PCDHB12: variants seen among roughly 807,000 people sequenced by gnomAD.
PCDHB12 encodes the protein protocadherin beta-12.
For synonymous variants in PCDHB12, 560 were observed against 445.2 expected (o/e 1.26, Z -3.24); for missense variants, 1,192 against 998.2 (o/e 1.19, Z -2.62).
At position 141,210,084 on chromosome 5, in the gene PCDHB12, C is replaced by G. The variant is rs371588723; in HGVS notation, c.1177C>G (p.Leu393Val). ...TATCCCGGAGGACATCCCATTCGTG[C>G]TAAAATCTTCGGTAAATAATTACTA... ...CSIPEDIPFVLKSSVNNYYTL... is the reference protein window; with the variant it reads ...CSIPEDIPFVVKSSVNNYYTL... Residue 393 changes from leucine to valine, a missense_variant, in exon 1 of 1, where the codon CTA (leucine) becomes GTA (valine). Physicochemically the swap from Leu to Val is conservative, Grantham distance 32. Transcript: ENST00000239450. 6.2e-7 allele frequency: 1 copy of G among 1,614,164 alleles called. No homozygotes were observed.
rs1554286788 is a variant in PCDHB12, at chr5:141,210,005, G to T, written c.1098G>T (p.Met366Ile). 1.2e-6 allele frequency: 2 copies of T among 1,614,178 alleles called. No homozygotes were observed. Among genetic ancestry groups the T allele is most frequent in the Admixed American group, 1.7e-5 (1 of 60,016 alleles). The change falls in exon 1 of 1, where the codon ATG becomes ATT. Residue 366 changes from methionine (M) to isoleucine (I), a missense_variant. Transcript: ENST00000239450. ...IPENTPETVV[M>I]VFRIRDRDSG... ...AAAACACTCCAGAGACTGTGGTTAT[G>T]GTTTTCAGGATACGAGACAGAGACT... is the stretch of plus-strand genomic sequence containing the variant.
Position 141,210,352 on chromosome 5 carries a change from C to T in PCDHB12, c.1445C>T (p.Thr482Ile), listed in dbSNP as rs1754415763. ...SISATDRDSG[T>I]NAQVNYSLLP... ...AGCGCCACAGACAGAGACTCGGGCA[C>T]CAACGCCCAGGTCAACTACTCGCTG... The change falls in exon 1 of 1, where the codon ACC becomes ATC. Residue 482 changes from threonine to isoleucine, a missense_variant. Thr to Ile is a moderately conservative substitution (Grantham distance 89, BLOSUM62 -1). Transcript: ENST00000239450. The T allele has an allele frequency of 6.2e-7, 1 of 1,613,086 alleles. No individual in the cohort carries two copies. Among genetic ancestry groups the T allele is most frequent in the Non-Finnish European group, 8.5e-7 (1 of 1,180,032 alleles).
rs1554286860 is a variant in PCDHB12, at chr5:141,210,241, A to G, written c.1334A>G (p.Asn445Ser). The change falls in exon 1 of 1, where the codon AAT (asparagine) becomes AGT (serine). Residue 445 changes from asparagine to serine, a missense_variant. Physicochemically the swap from Asn to Ser is conservative, Grantham distance 46 (BLOSUM62 1). Coordinates refer to ENST00000239450, the MANE Select transcript of PCDHB12 (RefSeq NM_018932.4). ...ATAACCGTGCTGGTCTCCGACGTCA[A>G]TGACAACGCCCCCGCCTTCACCCAA... ...HNITVLVSDV[N>S]DNAPAFTQTS... 2 of 1,614,164 alleles carry G rather than the reference A, an allele frequency of 1.2e-6. No individual in the cohort carries two copies. The highest frequency in any genetic ancestry group is 1.7e-6 in the Non-Finnish European group (2 of 1,180,026).
chr5:141,211,548 T>G lies in PCDHB12; in HGVS notation c.*253T>G. ...AGTCTATTAAGTGGTAAGTCTTGTT[T>G]GAGATATTTTAAATTGCTTTCCATT... is the stretch of plus-strand genomic sequence containing the variant. On this transcript the variant is annotated 3_prime_UTR_variant, in exon 1 of 1. Transcript: ENST00000239450. 3 of 518,886 alleles carry G rather than the reference T, an allele frequency of 5.8e-6. No individual in the cohort carries two copies. The allele number at this position is 518,886 out of a possible 1,614,324, so 32.1% of individuals were successfully genotyped here.
At position 141,210,976 on chromosome 5, in the gene PCDHB12, T is replaced by A. The variant is rs781859967; in HGVS notation, c.2069T>A (p.Leu690Gln). 6.2e-7 allele frequency: 1 copy of A among 1,611,850 alleles called. No individual in the cohort carries two copies. Among genetic ancestry groups the A allele is most frequent in the East Asian group, 2.2e-5 (1 of 44,818 alleles). The change falls in exon 1 of 1, where the codon CTG (leucine) becomes CAG (glutamine). Residue 690 changes from leucine to glutamine, a missense_variant. Physicochemically the swap from Leu to Gln is moderately radical, Grantham distance 113 (BLOSUM62 -2). Coordinates refer to ENST00000239450, the MANE Select transcript of PCDHB12 (RefSeq NM_018932.4). ...QAQADSLTVY[L>Q]VVALASVSSL... ...CAGGCCGACTCGCTCACTGTCTACCTGGTGGTGGCGTTGGCCTCAGTGTCG... is the reference window on the plus strand; with the variant it reads ...CAGGCCGACTCGCTCACTGTCTACCAGGTGGTGGCGTTGGCCTCAGTGTCG...
Position 141,210,089 on chromosome 5 carries a change from A to C in PCDHB12, c.1182A>C (p.Lys394Asn). 1.9e-6 allele frequency: 3 copies of C among 1,614,198 alleles called. No homozygotes were observed. The highest frequency in any genetic ancestry group is 2.5e-6 in the Non-Finnish European group (3 of 1,180,028). ...SIPEDIPFVLKSSVNNYYTLE... is the reference protein window; with the variant it reads ...SIPEDIPFVLNSSVNNYYTLE... Reference sequence around the variant, plus strand: ...CGGAGGACATCCCATTCGTGCTAAAATCTTCGGTAAATAATTACTACACTT... The same window carrying C: ...CGGAGGACATCCCATTCGTGCTAAACTCTTCGGTAAATAATTACTACACTT... Residue 394 changes from lysine (K) to asparagine (N), a missense_variant, in exon 1 of 1, where the codon AAA (lysine) becomes AAC (asparagine). Lys to Asn is a moderately conservative substitution (Grantham distance 94). Coordinates refer to ENST00000239450, the MANE Select transcript of PCDHB12 (RefSeq NM_018932.4).
Position 141,209,040 on chromosome 5 carries a change from G to C in PCDHB12, c.133G>C (p.Val45Leu). The C allele has an allele frequency of 6.2e-7, 1 of 1,611,526 alleles. No individual in the cohort carries two copies. The highest frequency in any genetic ancestry group is 8.5e-7 in the Non-Finnish European group (1 of 1,178,664). ...GGAGGAATTGCAGAGCGGGAGCTTT[G>C]TAGGAAATTTGGCAAAGACCCTGGG... Reference protein sequence around the residue: ...VMEELQSGSFVGNLAKTLGLE... With the variant: ...VMEELQSGSFLGNLAKTLGLE... Residue 45 changes from valine to leucine, a missense_variant, in exon 1 of 1, where the codon GTA becomes CTA. By Grantham distance (32) the Val-to-Leu change is conservative. Transcript: ENST00000239450.
At position 141,209,607 on chromosome 5, in the gene PCDHB12, G is replaced by T. The variant is rs782363279; in HGVS notation, c.700G>T (p.Asp234Tyr). 1 of 1,614,160 alleles carries T rather than the reference G, an allele frequency of 6.2e-7. No individual in the cohort carries two copies. The highest frequency in any genetic ancestry group is 1.7e-5 in the Admixed American group (1 of 60,030). The change falls in exon 1 of 1, where the codon GAT becomes TAT. Residue 234 changes from aspartate to tyrosine, a missense_variant. Transcript: ENST00000239450. Reference protein sequence around the residue: ...GTALVRVVVVDINDNSPEFEQ... With the variant: ...GTALVRVVVVYINDNSPEFEQ... ...TGCCTTGGTCAGGGTGGTGGTTGTA[G>T]ATATTAATGACAACTCCCCTGAGTT...
At position 141,210,482 on chromosome 5, in the gene PCDHB12, G is replaced by A. The variant is rs1754421057; in HGVS notation, c.1575G>A (p.Gln525=). The change falls in exon 1 of 1, where the codon CAG becomes CAA. Residue 525 remains glutamine, a synonymous_variant. Coordinates refer to ENST00000239450, the MANE Select transcript of PCDHB12 (RefSeq NM_018932.4). ...GGTCGCTGGACTACGAGGCCCTGCA[G>A]GGGTTCCAGTTCCGCGTGGGCGCCA... ...ALRSLDYEAL[Q]GFQFRVGATD... 6.2e-7 allele frequency: 1 copy of A among 1,612,620 alleles called. No homozygotes were observed. Among genetic ancestry groups the A allele is most frequent in the African/African-American group, 1.3e-5 (1 of 74,908 alleles).
Position 141,210,313 on chromosome 5 carries a change from A to C in PCDHB12, c.1406A>C (p.His469Pro), listed in dbSNP as rs1754413723. The C allele has an allele frequency of 6.2e-7, 1 of 1,613,452 alleles. No individual in the cohort carries two copies. The highest frequency in any genetic ancestry group is 8.5e-7 in the Non-Finnish European group (1 of 1,180,042). Residue 469 changes from histidine (H) to proline (P), a missense_variant, in exon 1 of 1, where the codon CAC becomes CCC. His to Pro is a moderately conservative substitution (Grantham distance 77, BLOSUM62 -2). Transcript: ENST00000239450. ...FVRENNSPALHIGSISATDRD... is the reference protein window; with the variant it reads ...FVRENNSPALPIGSISATDRD... ...CGCGAGAACAACAGCCCCGCCCTGC[A>C]CATCGGCAGCATCAGCGCCACAGAC...
rs1554286932 is a variant in PCDHB12, at chr5:141,210,388, A to G, written c.1481A>G (p.Gln494Arg). 1.9e-6 allele frequency: 3 copies of G among 1,612,884 alleles called. No homozygotes were observed. Among genetic ancestry groups the G allele is most frequent in the South Asian group, 1.1e-5 (1 of 91,030 alleles). ...AQVNYSLLPS[Q>R]DPHLPLASLV... ...GTCAACTACTCGCTGCTGCCGTCCC[A>G]GGACCCGCACCTGCCCCTCGCCTCC... Residue 494 changes from glutamine (Q) to arginine (R), a missense_variant, in exon 1 of 1, where the codon CAG (glutamine) becomes CGG (arginine). Physicochemically the swap from Gln to Arg is conservative, Grantham distance 43 (BLOSUM62 1). Transcript: ENST00000239450.
chr5:141,211,374 A>AT lies in PCDHB12; in HGVS notation c.*84dup, dbSNP rs1754458969. On this transcript the variant is annotated 3_prime_UTR_variant, in exon 1 of 1. Coordinates refer to ENST00000239450, the MANE Select transcript of PCDHB12 (RefSeq NM_018932.4). ...TATCGTGAGGTGCCTGTAAAGTAGT[A>AT]TTTTTGATCACTTCAAATACATACT... 1 of 1,333,884 alleles carries AT rather than the reference A, an allele frequency of 7.5e-7. No individual in the cohort carries two copies. The highest frequency in any genetic ancestry group is 2.4e-5 in the East Asian group (1 of 41,598). 82.6% of individuals were successfully genotyped at this position (1,333,884 alleles called of 1,614,324 possible).
Position 141,210,276 on chromosome 5 carries a change from G to A in PCDHB12, c.1369G>A (p.Ala457Thr), listed in dbSNP as rs782503741. 110 of 1,613,782 alleles carry A rather than the reference G, an allele frequency of 6.8e-5. No homozygotes were observed. The highest frequency in any genetic ancestry group is 1.3e-4 in the East Asian group (6 of 44,894). ...CCCCGCCTTCACCCAAACTTCCTACGCCCTGTTCGTCCGCGAGAACAACAG... is the reference window on the plus strand; with the variant it reads ...CCCCGCCTTCACCCAAACTTCCTACACCCTGTTCGTCCGCGAGAACAACAG... ...NAPAFTQTSY[A>T]LFVRENNSPA... The change falls in exon 1 of 1, where the codon GCC becomes ACC. Residue 457 changes from alanine (A) to threonine (T), a missense_variant. Physicochemically the swap from Ala to Thr is moderately conservative, Grantham distance 58. Transcript: ENST00000239450.
chr5:141,210,625 C>A lies in PCDHB12; in HGVS notation c.1718C>A (p.Thr573Asn). 1 of 1,611,364 alleles carries A rather than the reference C, an allele frequency of 6.2e-7. No homozygotes were observed. Among genetic ancestry groups the A allele is most frequent in the East Asian group, 2.2e-5 (1 of 44,864 alleles). The part of the protein sequence containing the change: ...YPLQNGSAPC[T>N]ELVPWAAEPG... ...CTGCAGAACGGCTCCGCGCCCTGCA[C>A]CGAGCTGGTGCCCTGGGCGGCCGAG... The change falls in exon 1 of 1, where the codon ACC (threonine) becomes AAC (asparagine). Residue 573 changes from threonine to asparagine, a missense_variant. Thr to Asn is a moderately conservative substitution (Grantham distance 65, BLOSUM62 0). Coordinates refer to ENST00000239450, the MANE Select transcript of PCDHB12 (RefSeq NM_018932.4).
rs1554287169 is a variant in PCDHB12 at position 141,211,164 on chromosome 5, G to T, written c.2257G>T (p.Val753Leu). The change falls in exon 1 of 1, where the codon GTG (valine) becomes TTG (leucine). Residue 753 changes from valine (V) to leucine (L), a missense_variant. By Grantham distance (32) the Val-to-Leu change is conservative. Coordinates refer to ENST00000239450, the MANE Select transcript of PCDHB12 (RefSeq NM_018932.4). ...CCTGTCCCAGAGCTACCACTATGAGGTGTGTGTGACTGGAGGCTCCAGGTC... is the reference window on the plus strand; with the variant it reads ...CCTGTCCCAGAGCTACCACTATGAGTTGTGTGTGACTGGAGGCTCCAGGTC... The part of the protein sequence containing the change: ...GTLSQSYHYE[V>L]CVTGGSRSNK... 6.2e-7 allele frequency: 1 copy of T among 1,614,048 alleles called. No individual in the cohort carries two copies. The highest frequency in any genetic ancestry group is 1.3e-5 in the African/African-American group (1 of 74,916).
Position 141,211,400 on chromosome 5 carries a change from C to A in PCDHB12, c.*105C>A. The A allele has an allele frequency of 8.9e-7, 1 of 1,120,416 alleles. No homozygotes were observed. The highest frequency in any genetic ancestry group is 1.4e-5 in the South Asian group (1 of 70,852). The allele number at this position is 1,120,416 out of a possible 1,614,324, so 69.4% of individuals were successfully genotyped here. On this transcript the variant is annotated 3_prime_UTR_variant, in exon 1 of 1. Coordinates refer to ENST00000239450, the MANE Select transcript of PCDHB12 (RefSeq NM_018932.4). ...TTTTTGATCACTTCAAATACATACT[C>A]TTCAAGTCAAGAAATAAATTTCTTT...
At position 141,210,485 on chromosome 5, in the gene PCDHB12, G is replaced by T. The variant is rs782552380; in HGVS notation, c.1578G>T (p.Gly526=). 5.6e-6 allele frequency: 9 copies of T among 1,612,650 alleles called. No individual in the cohort carries two copies. Among genetic ancestry groups the T allele is most frequent in the African/African-American group, 4.0e-5 (3 of 75,024 alleles). The change falls in exon 1 of 1, where the codon GGG becomes GGT. Residue 526 remains glycine (G), a synonymous_variant. Coordinates refer to ENST00000239450, the MANE Select transcript of PCDHB12 (RefSeq NM_018932.4). Reference sequence around the variant, plus strand: ...CGCTGGACTACGAGGCCCTGCAGGGGTTCCAGTTCCGCGTGGGCGCCACAG... The same window carrying T: ...CGCTGGACTACGAGGCCCTGCAGGGTTTCCAGTTCCGCGTGGGCGCCACAG... ...LRSLDYEALQ[G]FQFRVGATDH... is the part of the protein sequence containing the mutation.
rs782727446 is a variant in PCDHB12 at position 141,210,271 on chromosome 5, C to T, written c.1364C>T (p.Ser455Phe). The T allele has an allele frequency of 8.1e-6, 13 of 1,613,948 alleles. No individual in the cohort carries two copies. The highest frequency in any genetic ancestry group is 1.1e-5 in the South Asian group (1 of 91,078). The change falls in exon 1 of 1, where the codon TCC (serine) becomes TTC (phenylalanine). Residue 455 changes from serine (S) to phenylalanine (F), a missense_variant. Physicochemically the swap from Ser to Phe is radical, Grantham distance 155. Transcript: ENST00000239450. ...AACGCCCCCGCCTTCACCCAAACTTCCTACGCCCTGTTCGTCCGCGAGAAC... is the reference window on the plus strand; with the variant it reads ...AACGCCCCCGCCTTCACCCAAACTTTCTACGCCCTGTTCGTCCGCGAGAAC... Reference protein sequence around the residue: ...NDNAPAFTQTSYALFVRENNS... With the variant: ...NDNAPAFTQTFYALFVRENNS...
At position 141,210,705 on chromosome 5, in the gene PCDHB12, G is replaced by A. The variant is rs782512120; in HGVS notation, c.1798G>A (p.Ala600Thr). ...VAVDGDSGQN[A>T]WLSYQLLKAT... ...GGTGGACGGTGACTCGGGCCAGAAC[G>A]CCTGGCTGTCGTACCAGCTGCTCAA... The change falls in exon 1 of 1, where the codon GCC becomes ACC. Residue 600 changes from alanine to threonine, a missense_variant. By Grantham distance (58) the Ala-to-Thr change is moderately conservative. Coordinates refer to ENST00000239450, the MANE Select transcript of PCDHB12 (RefSeq NM_018932.4). The A allele has an allele frequency of 1.4e-5, 23 of 1,609,552 alleles. No individual in the cohort carries two copies. In the East Asian group the frequency reaches 4.2e-4, roughly 30 times the overall value.
Sources: allele counts gnomAD v4.1 joint callset, GRCh38; gene constraint gnomAD v4.1.1; transcripts MANE v1.5; gene names NCBI Gene and HGNC (gene_info 2026-07-23, HGNC 2026-07-21).